The following ACOT13 variants were observed in gnomAD, a reference collection of about 807,000 sequenced individuals.
The protein encoded by ACOT13 is acyl-coenzyme A thioesterase 13.
A neutral mutation model predicts 11.8 loss-of-function variants in ACOT13; 10 were observed. That is an observed-to-expected ratio of 0.85 (90% CI 0.53 to 1.44). ACOT13 has a LOEUF of 1.44. Among genes scored for constraint, ACOT13 ranks in the 40% most tolerant of loss-of-function variants. The pLI, the probability that ACOT13 is intolerant of heterozygous loss-of-function variation, is 0.00. For synonymous variants in ACOT13, 53 were observed against 61.0 expected (o/e 0.87, Z 0.61); for missense variants, 172 against 174.1 (o/e 0.99, Z 0.07).
chr6:24,698,853 G>T (rs930101329), intron 2 of ACOT13, among the ~76,000 whole-genome samples: 2 of 152,088 alleles, frequency 1.3e-5, no homozygotes, highest in Non-Finnish European at 2.9e-5. Flanking sequence ...GGCCAGGCTG[G>T]TCTTGAACTC....
chr6:24,677,508 T>C (rs776525094), intron 1 of ACOT13, among the ~76,000 whole-genome samples: 1 of 152,244 alleles, frequency 6.6e-6, no homozygotes, highest in Non-Finnish European at 1.5e-5. Context: ...TGCCAGTACA[T>C]CAATTTCCTT....
At chr6:24,690,947 A>G (rs1778710649) in intron 1 of ACOT13, among the ~76,000 whole-genome samples, 1 of 152,160 alleles carries the variant, frequency 6.6e-6, no homozygotes, top group African/African-American at 2.4e-5. Context: ...CCTCTGATCT[A>G]CTTCTACACC....
chr6:24,675,567 C>A (rs934562102), intron 1 of ACOT13, among the ~76,000 whole-genome samples: 1 of 151,914 alleles, frequency 6.6e-6, no homozygotes, highest in Non-Finnish European at 1.5e-5. Context: ...GCCCACTTTT[C>A]GATGGGGTTG....
At chr6:24,692,966 T>A (rs1316952612) in intron 1 of ACOT13, among the ~76,000 whole-genome samples, 1 of 152,204 alleles carries the variant, frequency 6.6e-6, no homozygotes, top group African/African-American at 2.4e-5. Context: ...GCATCTACCT[T>A]TCTAGAGCCC....
intron 1 of ACOT13, among the ~76,000 whole-genome samples, chr6:24,673,381 A>T (rs7764633): frequency 6.6e-6 from 1 of 151,900 alleles, no homozygotes; most frequent in African/African-American, 2.4e-5. Flanking sequence ...TTTTTTTTGA[A>T]ATAGAGTCTC....
intron 1 of ACOT13, among the ~76,000 whole-genome samples, chr6:24,683,678 G>A (rs1408473496): frequency 8.1e-6 from 1 of 122,960 alleles, no homozygotes; most frequent in South Asian, 2.4e-4. Context: ...GTTCGGTCTG[G>A]AAAGGTAGGA....
intron 1 of ACOT13, among the ~76,000 whole-genome samples, chr6:24,673,222 C>T (rs1390406216): frequency 6.6e-6 from 1 of 151,882 alleles, no homozygotes; most frequent in South Asian, 2.1e-4. Context: ...TTCTGCAATG[C>T]ACAGAACATG....
chr6:24,685,368 A>C (rs1247344094), intron 1 of ACOT13, among the ~76,000 whole-genome samples: 1 of 99,316 alleles, frequency 1.0e-5, no homozygotes, highest in Admixed American at 1.2e-4. Context: ...TTTTTTTGAT[A>C]CAGAGTCTTG....
Position 24,680,400 on chromosome 6 carries a change from T to C in ACOT13, c.81+13056T>C, listed in dbSNP as rs528502098. On this transcript the variant is annotated intron_variant, in intron 1 of 2. Coordinates refer to ENST00000230048, the MANE Select transcript of ACOT13 (RefSeq NM_018473.4). ...ATACATCTTAAGGGCGTTTTTGCCT[T>C]GGGGTGTGGGGAACGTTTCCGATCT... Among the ~76,000 whole-genome samples the C allele has an allele frequency of 7.9e-5, 12 of 152,242 alleles. No homozygotes were observed. The South Asian group carries it at 2.3e-3, about 29-fold the overall frequency.
At chr6:24,690,194 G>C (rs965394185) in intron 1 of ACOT13, among the ~76,000 whole-genome samples, 1 of 152,164 alleles carries the variant, frequency 6.6e-6, no homozygotes, top group East Asian at 1.9e-4. Context: ...CATTCCTTCA[G>C]AGCATCATCC....
At chr6:24,696,543 C>T (rs1479675889) in intron 1 of ACOT13, among the ~76,000 whole-genome samples, 1 of 152,116 alleles carries the variant, frequency 6.6e-6, no homozygotes, top group African/African-American at 2.4e-5. Context: ...GAGACATCCC[C>T]CTACTCCCAA....
At chr6:24,678,722 T>C (rs2127623074) in intron 1 of ACOT13, among the ~76,000 whole-genome samples, 1 of 152,316 alleles carries the variant, frequency 6.6e-6, no homozygotes, top group East Asian at 1.9e-4. Flanking sequence ...GAGTGGGGCT[T>C]TCAGGCATAA....
rs538190728 is a variant in ACOT13, at chr6:24,703,753, G to A, written c.*2138G>A. On this transcript the variant is annotated 3_prime_UTR_variant, in exon 3 of 3. Transcript: ENST00000230048. ...GGGTATTTGCACATTGCTTCCCAGA[G>A]ATTGCTAGTAGTAAGTACCACACAT... 6.4e-4 allele frequency: 97 copies of A among 152,358 alleles called. No individual in the cohort carries two copies. The highest frequency in any genetic ancestry group is 2.3e-3 in the African/African-American group (95 of 41,578). 9.4% of individuals were successfully genotyped at this position (152,358 alleles called of 1,614,324 possible). A position where few individuals can be genotyped will look rare whatever the true frequency, so the allele number is the denominator to read the frequency against.
In ACOT13 at chr6:24,677,187, CT is replaced by C. The variant is rs957403240; in HGVS notation, c.81+9845del. ...GTCAAGGGAACCCCTAAAAGGTCCC[CT>C]TGAGCAGCATTAGGTTTGAGCAATC... On this transcript the variant is annotated intron_variant, in intron 1 of 2. Transcript: ENST00000230048. Among the ~76,000 whole-genome samples the C allele has an allele frequency of 5.9e-4, 90 of 152,282 alleles. 1 individual carries two copies. Among genetic ancestry groups the C allele is most frequent in the African/African-American group, 2.0e-3 (82 of 41,566 alleles).
At chr6:24,695,888 T>G (rs943680593) in intron 1 of ACOT13, among the ~76,000 whole-genome samples, 1 of 152,042 alleles carries the variant, frequency 6.6e-6, no homozygotes, top group South Asian at 2.1e-4. Flanking sequence ...TGAAACCTCA[T>G]CTCTCCTAAA....
chr6:24,675,096 A>G (rs9356942), intron 1 of ACOT13, among the ~76,000 whole-genome samples: 116,639 of 152,002 alleles, frequency 0.77, 45,493 homozygotes, highest in African/African-American at 0.91. Context: ...ATTCCATGGT[A>G]TATATGTGCC....
intron 1 of ACOT13, chr6:24,687,422 T>TA: frequency 1.6e-6 from 2 of 1,221,820 alleles, no homozygotes; most frequent in Non-Finnish European, 2.1e-6. Flanking sequence ...TGGAGGAACA[T>TA]ACGTTGGGAA....
At chr6:24,692,791 A>G (rs1164739658) in intron 1 of ACOT13, among the ~76,000 whole-genome samples, 1 of 152,226 alleles carries the variant, frequency 6.6e-6, no homozygotes. Flanking sequence ...ATCTCTATCA[A>G]TGGGGAAACC....
At chr6:24,700,538 C>A (rs1778876357) in intron 2 of ACOT13, among the ~76,000 whole-genome samples, 1 of 149,498 alleles carries the variant, frequency 6.7e-6, no homozygotes, top group Non-Finnish European at 1.5e-5. Context: ...TGGGTTCCTG[C>A]CATTCTTCTG....
Sources: allele counts gnomAD v4.1 joint callset (sites outside exome capture counted in the v4.1 genomes callset), GRCh38; gene constraint gnomAD v4.1.1; transcripts MANE v1.5; gene names NCBI Gene and HGNC (gene_info 2026-07-23, HGNC 2026-07-21).